Variants in ESR1 observed in about 807,000 individuals in gnomAD.
The protein encoded by ESR1 is estrogen receptor 1.
In ESR1, 12 loss-of-function variants were observed where a neutral mutation model predicts 52.7. That is an observed-to-expected ratio of 0.23 (90% CI 0.15 to 0.37). The LOEUF is 0.37. Ranked by LOEUF, ESR1 falls within the 10% of genes least tolerant of loss-of-function variation. The pLI, the probability that ESR1 is intolerant of heterozygous loss-of-function variation, is 1.00. For missense variants in ESR1, 584 were observed against 779.7 expected, an observed-to-expected ratio of 0.75 and a Z score of 2.99; for synonymous variants, 305 against 316.8, an observed-to-expected ratio of 0.96 and a Z score of 0.39.
At chr6:151,681,798 G>A (rs554881185) in intron 1 of ESR1, among the ~76,000 whole-genome samples, 1 of 152,262 alleles carries the variant, frequency 6.6e-6, no homozygotes, top group East Asian at 1.9e-4. Context: ...GCTTGGGGTG[G>A]GGGAGGCGGT....
chr6:151,744,409 T>C (rs1051875745), intron 2 of ESR1, among the ~76,000 whole-genome samples: 2 of 152,214 alleles, frequency 1.3e-5, no homozygotes, highest in Admixed American at 6.5e-5. Context: ...ATTATAGCCA[T>C]CCCAGTGTGT....
intron 2 of ESR1, among the ~76,000 whole-genome samples, chr6:151,723,267 A>G (rs1348612907): frequency 6.6e-6 from 1 of 152,020 alleles, no homozygotes; most frequent in East Asian, 1.9e-4. Flanking sequence ...AAATTACTTG[A>G]TGGGTACAAT....
intron 5 of ESR1, among the ~76,000 whole-genome samples, chr6:152,038,310 G>C (rs1262724998): frequency 3.3e-5 from 5 of 152,172 alleles, no homozygotes; most frequent in Non-Finnish European, 7.3e-5. Context: ...GATTGAGGAT[G>C]GGTCTCCATC....
rs75069603 is a variant in ESR1 at position 151,880,662 on chromosome 6, C to T, written c.651C>T (p.Asn217=). 6.0e-5 allele frequency: 95 copies of T among 1,587,182 alleles called. No homozygotes were observed. The highest frequency in any genetic ancestry group is 3.3e-4 in the Admixed American group (20 of 59,978). Residue 217 remains asparagine (N), a synonymous_variant, in exon 3 of 8, where the codon AAC becomes AAT. Coordinates refer to ENST00000206249, the MANE Select transcript of ESR1 (RefSeq NM_000125.4). ...AFFKRSIQGH[N]DYMCPATNQC... is the part of the protein sequence containing the mutation. ...TCCTCTTGCTTTTAATAGGACATAA[C>T]GACTATATGTGTCCAGCCACCAACC...
At chr6:152,008,504 A>G (rs968686343) in intron 4 of ESR1, among the ~76,000 whole-genome samples, 1 of 152,136 alleles carries the variant, frequency 6.6e-6, no homozygotes, top group Non-Finnish European at 1.5e-5. Context: ...CCAAAAGGCC[A>G]CTAAAACTGT....
Position 151,996,002 on chromosome 6 carries a change from T to C in ESR1, c.1097-15654T>C, listed in dbSNP as rs1306995379. 3.3e-5 allele frequency among the ~76,000 whole-genome samples: 5 copies of C among 152,210 alleles called. No homozygotes were observed. In the East Asian group the frequency reaches 9.6e-4, roughly 29 times the overall value. On this transcript the variant is annotated intron_variant, in intron 4 of 7. Coordinates refer to ENST00000206249, the MANE Select transcript of ESR1 (RefSeq NM_000125.4). The stretch of plus-strand genomic sequence containing the variant: ...TGAGCTGAGATCTCACCCAAGGCCC[T>C]GCTGGGTTCAGGCCACACTCTTAAG...
intron 2 of ESR1, among the ~76,000 whole-genome samples, chr6:151,864,383 A>G (rs1013969970): frequency 6.6e-6 from 1 of 152,176 alleles, no homozygotes; most frequent in Non-Finnish European, 1.5e-5. Flanking sequence ...CAAAACCACA[A>G]TGAGATACCA....
At chr6:151,861,817 C>A (rs1788948524) in intron 2 of ESR1, among the ~76,000 whole-genome samples, 1 of 152,034 alleles carries the variant, frequency 6.6e-6, no homozygotes, top group Non-Finnish European at 1.5e-5. Flanking sequence ...TCAGCCCTGA[C>A]AATTAGCCTT....
At chr6:151,901,844 C>T (rs1796742436) in intron 3 of ESR1, among the ~76,000 whole-genome samples, 1 of 152,140 alleles carries the variant, frequency 6.6e-6, no homozygotes, top group Non-Finnish European at 1.5e-5. Context: ...TGTGGATTCT[C>T]TTGGCTTTCC....
At chr6:151,807,291 C>T (rs1232520661), upstream of ESR1, 3 of 180,190 alleles carry the variant, frequency 1.7e-5, no homozygotes, top group Admixed American at 5.4e-5. Context: ...TTCTAGCCAA[C>T]GAGGAGGGGG....
chr6:151,868,121 G>A (rs1006028450), intron 2 of ESR1, among the ~76,000 whole-genome samples: 4 of 145,616 alleles, frequency 2.7e-5, no homozygotes, highest in African/African-American at 1.0e-4. Flanking sequence ...TGTTTTCTTT[G>A]TTTTTTTTTG....
At chr6:151,925,889 T>C (rs1281789948) in intron 3 of ESR1, among the ~76,000 whole-genome samples, 3 of 152,140 alleles carry the variant, frequency 2.0e-5, no homozygotes, top group South Asian at 2.1e-4. Context: ...TTCAATATCA[T>C]ATAGAATTTT....
chr6:151,870,210 T>C (rs964399180), intron 2 of ESR1, among the ~76,000 whole-genome samples: 2 of 152,182 alleles, frequency 1.3e-5, no homozygotes, highest in Non-Finnish European at 2.9e-5. Flanking sequence ...TTTCTTTATT[T>C]TATTCTGGAG....
intron 2 of ESR1, among the ~76,000 whole-genome samples, chr6:151,734,426 G>T (rs1256641036): frequency 6.6e-6 from 1 of 152,056 alleles, no homozygotes; most frequent in African/African-American, 2.4e-5. Flanking sequence ...GGCCACCTCA[G>T]TTGCTATAAA....
intron 6 of ESR1, chr6:152,122,440 A>G: frequency 2.5e-6 from 4 of 1,614,010 alleles, no homozygotes; most frequent in Non-Finnish European, 3.4e-6. Flanking sequence ...CTTAGTTCAG[A>G]GTGGAGGAGG....
At chr6:151,736,018 G>T (rs1341037661) in intron 2 of ESR1, among the ~76,000 whole-genome samples, 1 of 152,026 alleles carries the variant, frequency 6.6e-6, no homozygotes, top group African/African-American at 2.4e-5. Context: ...GTTTCCTGAG[G>T]CCACCCCAGC....
intron 6 of ESR1, among the ~76,000 whole-genome samples, chr6:152,064,403 AT>A (rs1456306003): frequency 1.3e-5 from 2 of 151,996 alleles, no homozygotes; most frequent in Non-Finnish European, 1.5e-5. Flanking sequence ...ATTATTTCTC[AT>A]TTTTCTAGGC....
chr6:152,022,757 A>C lies in ESR1; in HGVS notation c.1235+10963A>C, dbSNP rs1260213845. On this transcript the variant is annotated intron_variant, in intron 5 of 7. Transcript: ENST00000206249. The stretch of plus-strand genomic sequence containing the variant: ...GAGGCCGAGGCTGGCAGATCACCTG[A>C]GGTTGGGAGTTCGAGACCAACCTGA... Among the ~76,000 whole-genome samples, 11 of 152,234 alleles carry C rather than the reference A, an allele frequency of 7.2e-5. No individual in the cohort carries two copies. In the East Asian group the frequency reaches 7.7e-4, roughly 11 times the overall value.
intron 4 of ESR1, among the ~76,000 whole-genome samples, chr6:151,984,854 A>G (rs931112358): frequency 1.3e-5 from 2 of 152,030 alleles, no homozygotes; most frequent in Non-Finnish European, 2.9e-5. Context: ...AGTTCACCAT[A>G]GTTGGATATT....
Sources: allele counts gnomAD v4.1 joint callset (sites outside exome capture counted in the v4.1 genomes callset), GRCh38; gene constraint gnomAD v4.1.1; transcripts MANE v1.5; gene names NCBI Gene and HGNC (gene_info 2026-07-23, HGNC 2026-07-21).